CBFA2T3: variants seen among roughly 807,000 people sequenced by gnomAD.
CBFA2T3 encodes the protein transcriptional corepressor CBFA2T3.
Under a neutral mutation model 58.6 loss-of-function variants are expected in CBFA2T3, and 31 were observed. The ratio of observed to expected loss-of-function variants is 0.53; its 90% CI spans 0.40 to 0.71. The LOEUF (loss-of-function observed/expected upper bound fraction) is 0.71. Ranked by LOEUF, CBFA2T3 falls within the 30% of genes least tolerant of loss-of-function variation. The pLI is 0.00. For missense variants in CBFA2T3, 1,076 were observed against 963.1 expected, an observed-to-expected ratio of 1.12 and a Z score of -1.55; for synonymous variants, 531 against 421.9, an observed-to-expected ratio of 1.26 and a Z score of -3.17.
chr16:88,932,524 A>G lies in CBFA2T3; in HGVS notation c.152-30868T>C, dbSNP rs552450323. ...TAGCTGGGCATAGTGGTGAACACCC[A>G]TAGTCCCAGCTACTCTGTAGGCTGA... On this transcript the variant is annotated intron_variant, in intron 1 of 11. Transcript: ENST00000268679. Among the ~76,000 whole-genome samples the G allele has an allele frequency of 1.4e-3, 212 of 152,132 alleles. 3 individuals are homozygous for G. Among genetic ancestry groups the G allele is most frequent in the Non-Finnish European group, 2.5e-4 (17 of 68,016 alleles).
Position 88,876,786 on chromosome 16 carries a change from T to G in CBFA2T3, c.*190A>C. 2.0e-6 allele frequency: 1 copy of G among 494,118 alleles called. No homozygotes were observed. Among genetic ancestry groups the G allele is most frequent in the Non-Finnish European group, 3.5e-6 (1 of 286,768 alleles). The allele number at this position is 494,118 out of a possible 1,614,324, so 30.6% of individuals were successfully genotyped here. A position where few individuals can be genotyped will look rare whatever the true frequency, so the allele number is the denominator to read the frequency against. ...GCTGAGGCAGGTGCACTGAATGCGG[T>G]TTTGTTGGTTCTGTGTCTTCTTTCG... is the stretch of plus-strand genomic sequence containing the variant. On this transcript the variant is annotated 3_prime_UTR_variant, in exon 12 of 12. Coordinates refer to ENST00000268679, the MANE Select transcript of CBFA2T3 (RefSeq NM_005187.6).
chr16:88,962,651 G>T (rs1972395900), intron 1 of CBFA2T3, among the ~76,000 whole-genome samples: 1 of 152,254 alleles, frequency 6.6e-6, no homozygotes, highest in African/African-American at 2.4e-5. Context: ...ACGTTTCGGG[G>T]GGAGACAGCC....
In CBFA2T3 at chr16:88,876,766, G is replaced by A; in HGVS notation, c.*210C>T. On this transcript the variant is annotated 3_prime_UTR_variant, in exon 12 of 12. Transcript: ENST00000268679. Reference sequence around the variant, plus strand: ...CCGCGCGGAATCATTAGGTAGCTGAGGCAGGTGCACTGAATGCGGTTTTGT... The same window carrying A: ...CCGCGCGGAATCATTAGGTAGCTGAAGCAGGTGCACTGAATGCGGTTTTGT... 2.1e-6 allele frequency: 1 copy of A among 483,460 alleles called. No homozygotes were observed. The highest frequency in any genetic ancestry group is 3.6e-6 in the Non-Finnish European group (1 of 278,554). 29.9% of individuals were successfully genotyped at this position (483,460 alleles called of 1,614,324 possible). A position where few individuals can be genotyped will look rare whatever the true frequency, so the allele number is the denominator to read the frequency against.
chr16:88,953,496 C>T lies in CBFA2T3; in HGVS notation c.151+23161G>A, dbSNP rs1051193353. 3.9e-5 allele frequency among the ~76,000 whole-genome samples: 6 copies of T among 152,176 alleles called. No homozygotes were observed. Among genetic ancestry groups the T allele is most frequent in the African/African-American group, 9.7e-5 (4 of 41,450 alleles). On this transcript the variant is annotated intron_variant, in intron 1 of 11. Transcript: ENST00000268679. The surrounding 1 kb of genome is among the most constrained non-coding windows in gnomAD (Gnocchi z 4.9). ...CCCTCAAAATGGTCCCCACAGCTGCCGCCCACTCTTGGGACCCTGAGTGTG... is the reference window on the plus strand; with the variant it reads ...CCCTCAAAATGGTCCCCACAGCTGCTGCCCACTCTTGGGACCCTGAGTGTG...
intron 1 of CBFA2T3, among the ~76,000 whole-genome samples, chr16:88,919,719 T>C (rs932554101): frequency 6.6e-6 from 1 of 152,072 alleles, no homozygotes; most frequent in Admixed American, 6.5e-5. Flanking sequence ...CTGGTGCATG[T>C]TTACTCTAAA....
intron 5 of CBFA2T3, among the ~76,000 whole-genome samples, chr16:88,887,850 G>A (rs867190761): frequency 2.6e-5 from 4 of 152,276 alleles, no homozygotes; most frequent in Middle Eastern, 3.4e-3. Flanking sequence ...ACAGATGGGC[G>A]CTCAGGCTGG....
chr16:88,945,376 C>G (rs1380933782), intron 1 of CBFA2T3, among the ~76,000 whole-genome samples: 1 of 152,202 alleles, frequency 6.6e-6, no homozygotes, highest in Non-Finnish European at 1.5e-5. Flanking sequence ...AATGAAAAGA[C>G]AGGCCATAGA....
At chr16:88,918,965 T>C (rs1250754859) in intron 1 of CBFA2T3, among the ~76,000 whole-genome samples, 1 of 152,270 alleles carries the variant, frequency 6.6e-6, no homozygotes, top group Non-Finnish European at 1.5e-5. Context: ...TTCAAAGACC[T>C]GTGCTGACAT....
At chr16:88,922,291 G>T (rs894481802) in intron 1 of CBFA2T3, among the ~76,000 whole-genome samples, 11 of 152,262 alleles carry the variant, frequency 7.2e-5, no homozygotes, top group Non-Finnish European at 1.6e-4. Flanking sequence ...ACCTGGCTGG[G>T]CTCTCAGAGC....
intron 1 of CBFA2T3, among the ~76,000 whole-genome samples, chr16:88,931,048 G>C (rs1329461665): frequency 6.6e-6 from 1 of 152,074 alleles, no homozygotes; most frequent in African/African-American, 2.4e-5. Flanking sequence ...ACAGCGGGGA[G>C]ACTGAGACAG....
rs561556918 is a variant in CBFA2T3 at position 88,923,467 on chromosome 16, G to A, written c.152-21811C>T. 2.0e-3 allele frequency among the ~76,000 whole-genome samples: 306 copies of A among 152,328 alleles called. 1 individual carries two copies. The highest frequency in any genetic ancestry group is 6.9e-3 in the African/African-American group (285 of 41,584). On this transcript the variant is annotated intron_variant, in intron 1 of 11. Coordinates refer to ENST00000268679, the MANE Select transcript of CBFA2T3 (RefSeq NM_005187.6). ...AGACCTTTGGCCACCCATGTTACCCGCCACATCCACTGCCACCAGAAGGGC... is the reference window on the plus strand; with the variant it reads ...AGACCTTTGGCCACCCATGTTACCCACCACATCCACTGCCACCAGAAGGGC...
chr16:88,935,371 C>T (rs1971463731), intron 1 of CBFA2T3, among the ~76,000 whole-genome samples: 2 of 152,210 alleles, frequency 1.3e-5, no homozygotes, highest in Non-Finnish European at 2.9e-5. Flanking sequence ...CCACCACCTG[C>T]GTGGGGACCC....
At chr16:88,926,603 C>T (rs1321797317) in intron 1 of CBFA2T3, among the ~76,000 whole-genome samples, 4 of 152,200 alleles carry the variant, frequency 2.6e-5, no homozygotes, top group East Asian at 1.9e-4. Flanking sequence ...GTCAGGACAG[C>T]GTGGGTGAGC....
chr16:88,892,793 A>G lies in CBFA2T3; in HGVS notation c.380-308T>C, dbSNP rs562034258. Among the ~76,000 whole-genome samples, 14 of 152,198 alleles carry G rather than the reference A, an allele frequency of 9.2e-5. No homozygotes were observed. The South Asian group carries it at 1.7e-3, about 18-fold the overall frequency. Reference sequence around the variant, plus strand: ...GAAGCCTCTTTGCCCCAGGTCCCCAATGGGTAAGGGCTGGGATGGCACCCA... The same window carrying G: ...GAAGCCTCTTTGCCCCAGGTCCCCAGTGGGTAAGGGCTGGGATGGCACCCA... On this transcript the variant is annotated intron_variant, in intron 3 of 11. Coordinates refer to ENST00000268679, the MANE Select transcript of CBFA2T3 (RefSeq NM_005187.6).
At chr16:88,911,223 C>A (rs1009753782) in intron 1 of CBFA2T3, among the ~76,000 whole-genome samples, 5 of 152,250 alleles carry the variant, frequency 3.3e-5, no homozygotes, top group African/African-American at 9.6e-5. Flanking sequence ...GAACAAGGGA[C>A]CCTGACCCCA....
In CBFA2T3 at chr16:88,958,856, G is replaced by T. The variant is rs1030356944; in HGVS notation, c.151+17801C>A. Among the ~76,000 whole-genome samples the T allele has an allele frequency of 3.3e-5, 5 of 152,158 alleles. No homozygotes were observed. Among genetic ancestry groups the T allele is most frequent in the African/African-American group, 1.2e-4 (5 of 41,428 alleles). On this transcript the variant is annotated intron_variant, in intron 1 of 11. Coordinates refer to ENST00000268679, the MANE Select transcript of CBFA2T3 (RefSeq NM_005187.6). This position sits in a 1 kb window ranked among gnomAD's most constrained non-coding sequence, Gnocchi z 4.0. ...CTCACACCACAGGCCTGGCTCCCTA[G>T]GGGTATGGTCAGAGTGGGACCCTGT...
chr16:88,908,323 C>T (rs549373174), intron 1 of CBFA2T3, among the ~76,000 whole-genome samples: 11 of 149,814 alleles, frequency 7.3e-5, no homozygotes, highest in South Asian at 2.1e-4. Context: ...GCCTGGACAA[C>T]GGAGCGAGAC....
At chr16:88,919,909 G>C (rs1173959945) in intron 1 of CBFA2T3, among the ~76,000 whole-genome samples, 1 of 152,242 alleles carries the variant, frequency 6.6e-6, no homozygotes, top group African/African-American at 2.4e-5. Flanking sequence ...CGTCTCCCTG[G>C]AGAGTTACCT....
intron 3 of CBFA2T3, among the ~76,000 whole-genome samples, chr16:88,894,905 C>T (rs1027884296): frequency 6.6e-6 from 1 of 151,088 alleles, no homozygotes; most frequent in Non-Finnish European, 1.5e-5. Flanking sequence ...CAGCGGCTCC[C>T]CCTGGGCAGC....
Sources: allele counts gnomAD v4.1 joint callset (sites outside exome capture counted in the v4.1 genomes callset), GRCh38; gene constraint gnomAD v4.1.1; non-coding constraint Gnocchi (gnomAD v3.1); transcripts MANE v1.5; gene names NCBI Gene and HGNC (gene_info 2026-07-23, HGNC 2026-07-21).